ZNF536: variants seen among roughly 807,000 people sequenced by gnomAD.
ZNF536 encodes the protein zinc finger protein 536.
In ZNF536, 13 loss-of-function variants were observed where a neutral mutation model predicts 84.5. The ratio of observed to expected loss-of-function variants is 0.15; its 90% CI spans 0.10 to 0.24. ZNF536 has a LOEUF of 0.24. Ranked by LOEUF, ZNF536 falls within the 10% of genes least tolerant of loss-of-function variation. The pLI is 1.00. For synonymous variants in ZNF536, 811 were observed against 742.5 expected, an observed-to-expected ratio of 1.09 and a Z score of -1.50; for missense variants, 1,536 against 1,747.5, an observed-to-expected ratio of 0.88 and a Z score of 2.16.
At chr19:30,631,169 C>T (rs1437937038) in intron 1 of ZNF536, among the ~76,000 whole-genome samples, 1 of 152,196 alleles carries the variant, frequency 6.6e-6, no homozygotes, top group Non-Finnish European at 1.5e-5. Flanking sequence ...AGGAGCCGGC[C>T]CTCCCCTCCC....
At chr19:30,571,997 G>A (rs1027606032) in intron 1 of ZNF536, among the ~76,000 whole-genome samples, 2 of 152,176 alleles carry the variant, frequency 1.3e-5, no homozygotes, top group South Asian at 2.1e-4. Context: ...ATCCAAGCAA[G>A]GAAGGTGTTT....
intron 1 of ZNF536, among the ~76,000 whole-genome samples, chr19:30,410,847 T>C (rs1298088023): frequency 6.6e-6 from 1 of 152,234 alleles, no homozygotes; most frequent in Admixed American, 6.5e-5. Flanking sequence ...GTAATAATTT[T>C]TCATGGATTG....
chr19:30,519,548 T>C (rs980616367), intron 2 of ZNF536, among the ~76,000 whole-genome samples: 16 of 152,128 alleles, frequency 1.1e-4, no homozygotes, highest in African/African-American at 3.9e-4. Flanking sequence ...AGACACCAGA[T>C]TCCCCACGTC....
chr19:30,419,656 T>C (rs1939952481), intron 1 of ZNF536, among the ~76,000 whole-genome samples: 3 of 152,216 alleles, frequency 2.0e-5, no homozygotes, highest in Admixed American at 2.0e-4. Flanking sequence ...GTGAGTTTTG[T>C]ATAAGATGAG....
At chr19:30,655,075 G>A (rs564122917) in intron 1 of ZNF536, among the ~76,000 whole-genome samples, 68 of 152,282 alleles carry the variant, frequency 4.5e-4, no homozygotes, top group Non-Finnish European at 9.1e-4. Flanking sequence ...CTTTAGTACT[G>A]GGTACATCTA....
upstream of ZNF536, among the ~76,000 whole-genome samples, chr19:30,370,033 T>C (rs1381528387): frequency 1.3e-5 from 2 of 152,216 alleles, no homozygotes; most frequent in South Asian, 2.1e-4. Flanking sequence ...TGGCATTCTC[T>C]TGGTTATACG....
intron 1 of ZNF536, among the ~76,000 whole-genome samples, chr19:30,698,783 C>G (rs761298498): frequency 1.2e-4 from 18 of 152,344 alleles, no homozygotes; most frequent in Admixed American, 3.3e-4. Flanking sequence ...ACTCTCCCGT[C>G]CCTTTCCATA....
chr19:30,627,715 G>C (rs1475553605), intron 1 of ZNF536, among the ~76,000 whole-genome samples: 2 of 152,134 alleles, frequency 1.3e-5, no homozygotes, highest in East Asian at 3.9e-4. Context: ...ATGATGCGCT[G>C]AGCTGTAGAA....
At chr19:30,638,635 C>T (rs912796057) in intron 1 of ZNF536, among the ~76,000 whole-genome samples, 1 of 152,198 alleles carries the variant, frequency 6.6e-6, no homozygotes, top group Non-Finnish European at 1.5e-5. Flanking sequence ...CAGGCCCCAC[C>T]TCCAACATTT....
intron 1 of ZNF536, among the ~76,000 whole-genome samples, chr19:30,567,747 C>G (rs2046405212): frequency 1.3e-5 from 2 of 152,094 alleles, no homozygotes; most frequent in South Asian, 4.1e-4. Context: ...GGACTCTGAC[C>G]AAAACCCGGC....
intron 1 of ZNF536, among the ~76,000 whole-genome samples, chr19:30,581,402 G>A (rs1392430732): frequency 6.6e-5 from 10 of 152,214 alleles, no homozygotes; most frequent in South Asian, 2.1e-4. Context: ...ACTTGAACCC[G>A]GGAGGTCGAG....
chr19:30,507,079 TG>T (rs1462690485), intron 2 of ZNF536, among the ~76,000 whole-genome samples: 1 of 152,218 alleles, frequency 6.6e-6, no homozygotes, highest in East Asian at 1.9e-4. Flanking sequence ...AATACAGACC[TG>T]GCTGGGCGTG....
intron 2 of ZNF536, among the ~76,000 whole-genome samples, chr19:30,343,271 G>T (rs1159793894): frequency 6.6e-6 from 1 of 152,206 alleles, no homozygotes; most frequent in African/African-American, 2.4e-5. Flanking sequence ...CTCATTTTGT[G>T]CCAGAGACTC....
chr19:30,444,881 C>A lies in ZNF536; in HGVS notation c.1319C>A (p.Thr440Asn), dbSNP rs769608026. 2 of 1,612,506 alleles carry A rather than the reference C, an allele frequency of 1.2e-6. No homozygotes were observed. Among genetic ancestry groups the A allele is most frequent in the African/African-American group, 1.3e-5 (1 of 75,052 alleles). ...YLSCLQSGFM[T>N]PDKAGLSEPS... is the part of the protein sequence containing the mutation. ...TCCTGCCTGCAGAGTGGCTTCATGA[C>A]CCCGGACAAAGCCGGCCTGAGCGAG... Residue 440 changes from threonine to asparagine, a missense_variant, in exon 2 of 5, where the codon ACC (threonine) becomes AAC (asparagine). By Grantham distance (65) the Thr-to-Asn change is moderately conservative. Transcript: ENST00000355537.
chr19:30,360,210 C>T (rs949731207), intron 3 of ZNF536, among the ~76,000 whole-genome samples: 45 of 152,242 alleles, frequency 3.0e-4, no homozygotes, highest in African/African-American at 8.7e-4. Context: ...GGGAAGGGGT[C>T]GGCTCGGCTC....
chr19:30,463,429 C>T (rs1365977381), intron 2 of ZNF536, among the ~76,000 whole-genome samples: 1 of 152,144 alleles, frequency 6.6e-6, no homozygotes, highest in Admixed American at 6.5e-5. Flanking sequence ...GCCTCAAGCA[C>T]CTCCTGGAAG....
At chr19:30,289,766 TGC>T (rs1268427158) in intron 2 of ZNF536, among the ~76,000 whole-genome samples, 1 of 152,240 alleles carries the variant, frequency 6.6e-6, no homozygotes, top group Non-Finnish European at 1.5e-5. Context: ...TTTGTTACGT[TGC>T]TCTTATGCCT....
At chr19:30,424,039 T>G (rs1200279583) in intron 1 of ZNF536, among the ~76,000 whole-genome samples, 1 of 152,186 alleles carries the variant, frequency 6.6e-6, no homozygotes, top group Non-Finnish European at 1.5e-5. Context: ...GGGCTGGCCC[T>G]GCTTGCTGTG....
upstream of ZNF536, among the ~76,000 whole-genome samples, chr19:30,226,100 T>G (rs922667876): frequency 1.6e-4 from 24 of 150,022 alleles, no homozygotes; most frequent in Admixed American, 6.6e-5. The surrounding 1 kb of genome is among the most constrained non-coding windows in gnomAD (Gnocchi z 4.6). Context: ...TCCCGAGGCC[T>G]GGCGCCCGGC....
Sources: allele counts gnomAD v4.1 joint callset (sites outside exome capture counted in the v4.1 genomes callset), GRCh38; gene constraint gnomAD v4.1.1; non-coding constraint Gnocchi (gnomAD v3.1); transcripts MANE v1.5; gene names NCBI Gene and HGNC (gene_info 2026-07-23, HGNC 2026-07-21).